The following CNTN3 variants were observed in gnomAD, a reference collection of about 807,000 sequenced individuals.
CNTN3 encodes contactin-3.
A neutral mutation model predicts 119.1 loss-of-function variants in CNTN3; 60 were observed. The observed-to-expected ratio is 0.50, with a 90% CI of 0.41 to 0.62. The LOEUF (loss-of-function observed/expected upper bound fraction) is 0.62. CNTN3 is among the 20% of genes least tolerant of loss of function. CNTN3 has a pLI of 0.00. For missense variants in CNTN3, 1,101 were observed against 1,242.4 expected, an observed-to-expected ratio of 0.89 and a Z score of 1.71; for synonymous variants, 450 against 438.7, an observed-to-expected ratio of 1.03 and a Z score of -0.32.
intron 4 of CNTN3, among the ~76,000 whole-genome samples, chr3:74,457,884 G>T (rs1702298570): frequency 6.6e-6 from 1 of 152,000 alleles, no homozygotes; most frequent in Non-Finnish European, 1.5e-5. Context: ...CATGCCCCAT[G>T]AAGAGAATTC....
intron 3 of CNTN3, among the ~76,000 whole-genome samples, chr3:74,487,382 G>T (rs1255007749): frequency 6.6e-6 from 1 of 152,012 alleles, no homozygotes; most frequent in South Asian, 2.1e-4. Context: ...ACAATCTCAA[G>T]AACACATTAC....
intron 1 of CNTN3, among the ~76,000 whole-genome samples, chr3:74,550,789 A>G (rs1479461940): frequency 6.6e-6 from 1 of 152,106 alleles, no homozygotes; most frequent in Non-Finnish European, 1.5e-5. Context: ...CAATCTTTCC[A>G]TCTTAGCCTC....
At chr3:74,588,592 T>A (rs935137209) in intron 1 of CNTN3, among the ~76,000 whole-genome samples, 2 of 152,088 alleles carry the variant, frequency 1.3e-5, no homozygotes, top group South Asian at 2.1e-4. Flanking sequence ...CTTCACAGAA[T>A]TGGAAAAAAC....
At chr3:74,514,993 G>A (rs891556872) in intron 2 of CNTN3, among the ~76,000 whole-genome samples, 1 of 151,932 alleles carries the variant, frequency 6.6e-6, no homozygotes, top group Non-Finnish European at 1.5e-5. Flanking sequence ...ATGTAGAAAT[G>A]GTCCTTAGAA....
At chr3:74,367,052 A>G (rs961973059) in intron 8 of CNTN3, among the ~76,000 whole-genome samples, 2 of 151,292 alleles carry the variant, frequency 1.3e-5, no homozygotes, top group African/African-American at 2.4e-5. Context: ...TCCTGAAATC[A>G]TAACTGCCAC....
At chr3:74,430,431 A>T (rs1701764084) in intron 4 of CNTN3, among the ~76,000 whole-genome samples, 1 of 152,208 alleles carries the variant, frequency 6.6e-6, no homozygotes, top group African/African-American at 2.4e-5. Context: ...GTAAAACTTT[A>T]AAAAATTCAA....
chr3:74,388,271 T>C (rs1310155750), intron 5 of CNTN3, among the ~76,000 whole-genome samples: 4 of 152,138 alleles, frequency 2.6e-5, no homozygotes, highest in Admixed American at 6.5e-5. Flanking sequence ...ACTGTAAATA[T>C]TTATTGAGAA....
intron 4 of CNTN3, among the ~76,000 whole-genome samples, chr3:74,428,985 C>A (rs1701740678): frequency 6.6e-6 from 1 of 152,128 alleles, no homozygotes; most frequent in Non-Finnish European, 1.5e-5. Flanking sequence ...ATAGGCTATA[C>A]TATACAGCCT....
intron 11 of CNTN3, among the ~76,000 whole-genome samples, chr3:74,342,802 C>T (rs1342701720): frequency 6.6e-6 from 1 of 152,090 alleles, no homozygotes; most frequent in Non-Finnish European, 1.5e-5. Flanking sequence ...AGGGGATTTC[C>T]AGTCTAAATG....
intron 8 of CNTN3, among the ~76,000 whole-genome samples, chr3:74,366,776 G>GTATATA (rs1416469987): frequency 8.4e-5 from 3 of 35,600 alleles, no homozygotes; most frequent in South Asian, 2.2e-3. Context: ...GTGTGTGTGT[G>GTATATA]TGTGTATATA....
intron 1 of CNTN3, among the ~76,000 whole-genome samples, chr3:74,534,681 G>A (rs191498415): frequency 1.3e-5 from 2 of 152,098 alleles, no homozygotes; most frequent in East Asian, 1.9e-4. Flanking sequence ...GTTAAGTATT[G>A]AGCCCTAAAA....
intron 9 of CNTN3, 127 bp from the exon 10 acceptor site, chr3:74,364,723 T>G (rs186413209): frequency 2.9e-6 from 2 of 688,654 alleles, no homozygotes; most frequent in Non-Finnish European, 4.7e-6. Flanking sequence ...CAGGATGGCC[T>G]GAAATTTAAC....
At chr3:74,405,926 C>A (rs1705312638) in intron 5 of CNTN3, among the ~76,000 whole-genome samples, 1 of 151,962 alleles carries the variant, frequency 6.6e-6, no homozygotes, top group African/African-American at 2.4e-5. Flanking sequence ...TTTGAATTAT[C>A]CAGGAAGATC....
chr3:74,517,500 T>C (rs1432597295), intron 2 of CNTN3, among the ~76,000 whole-genome samples: 2 of 151,956 alleles, frequency 1.3e-5, no homozygotes, highest in African/African-American at 4.8e-5. Context: ...TGTATACATG[T>C]GTACATGTCA....
At chr3:74,437,707 A>G (rs544278596) in intron 4 of CNTN3, among the ~76,000 whole-genome samples, 11 of 152,062 alleles carry the variant, frequency 7.2e-5, no homozygotes, top group Non-Finnish European at 1.3e-4. Context: ...GTGTGTGTGT[A>G]TATATACATA....
intron 11 of CNTN3, among the ~76,000 whole-genome samples, chr3:74,357,831 A>C (rs1274617012): frequency 6.6e-6 from 1 of 152,134 alleles, no homozygotes; most frequent in Non-Finnish European, 1.5e-5. Flanking sequence ...TCCCATTAAA[A>C]AATTGTCTTC....
chr3:74,512,933 T>TCA (rs1161789089), intron 2 of CNTN3, among the ~76,000 whole-genome samples: 1 of 152,056 alleles, frequency 6.6e-6, no homozygotes, highest in African/African-American at 2.4e-5. Context: ...AGACATTTGC[T>TCA]CACACACACT....
chr3:74,339,574 A>G (rs1559554178), intron 11 of CNTN3, among the ~76,000 whole-genome samples: 1 of 152,092 alleles, frequency 6.6e-6, no homozygotes, highest in Non-Finnish European at 1.5e-5. Context: ...GTCCAATTAC[A>G]TATTTGTGTT....
chr3:74,283,818 T>G (rs1702060614), intron 20 of CNTN3, among the ~76,000 whole-genome samples: 1 of 152,172 alleles, frequency 6.6e-6, no homozygotes, highest in Non-Finnish European at 1.5e-5. Flanking sequence ...AGAGTTTTTT[T>G]GTATCTGTAT....
Sources: gnomAD v4.1 joint callset for allele counts (sites outside exome capture counted in the v4.1 genomes callset) on GRCh38, gnomAD v4.1.1 for gene constraint, MANE v1.5 for transcripts, NCBI Gene and HGNC (gene_info 2026-07-23, HGNC 2026-07-21) for gene names.